XXYLT1: variants seen among roughly 807,000 people sequenced by gnomAD.
XXYLT1 encodes the protein UDP-xylose:alpha-xyloside alpha-1,3-xylosyltransferase.
Under a neutral mutation model 28.9 loss-of-function variants are expected in XXYLT1, and 20 were observed. That is an observed-to-expected ratio of 0.69 (90% CI 0.49 to 1.00). The LOEUF is 1.00. XXYLT1 is among the 50% of genes least tolerant of loss of function. The pLI, the probability that XXYLT1 is intolerant of heterozygous loss-of-function variation, is 0.00. For synonymous variants in XXYLT1, 257 were observed against 253.8 expected (o/e 1.01, Z -0.12); for missense variants, 542 against 560.1 (o/e 0.97, Z 0.33).
At chr3:195,089,804 T>A (rs1197225693) in intron 3 of XXYLT1, among the ~76,000 whole-genome samples, 1 of 150,804 alleles carries the variant, frequency 6.6e-6, no homozygotes, top group Non-Finnish European at 1.5e-5. Context: ...GAGACACACA[T>A]AGGCTCAAAA....
rs1721909346 is a variant in XXYLT1 at position 195,180,729 on chromosome 3, T to G, written c.653-24148A>C. 1.3e-5 allele frequency among the ~76,000 whole-genome samples: 2 copies of G among 152,114 alleles called. No homozygotes were observed. Among genetic ancestry groups the G allele is most frequent in the South Asian group, 4.1e-4 (2 of 4,830 alleles). ...GCAGACGGGAAAGGCGCCTGCCCACTGCCCCCACCCCTGCAAGCACACACC... is the reference window on the plus strand; with the variant it reads ...GCAGACGGGAAAGGCGCCTGCCCACGGCCCCCACCCCTGCAAGCACACACC... On this transcript the variant is annotated intron_variant, in intron 2 of 3. Coordinates refer to ENST00000310380, the MANE Select transcript of XXYLT1 (RefSeq NM_152531.5). The surrounding 1 kb of genome is among the most constrained non-coding windows in gnomAD (Gnocchi z 5.8).
chr3:195,169,530 G>A (rs1032733596), intron 2 of XXYLT1, among the ~76,000 whole-genome samples: 6 of 152,150 alleles, frequency 3.9e-5, no homozygotes, highest in African/African-American at 1.4e-4. Context: ...AGATATAGAT[G>A]GTCCCCGCCA....
intron 2 of XXYLT1, among the ~76,000 whole-genome samples, chr3:195,225,386 C>T (rs1577168403): frequency 6.6e-6 from 1 of 152,176 alleles, no homozygotes; most frequent in East Asian, 1.9e-4. Flanking sequence ...TGTGGCAGGA[C>T]AACCTCCCAA....
chr3:195,074,880 C>T (rs1715027398), intron 3 of XXYLT1, among the ~76,000 whole-genome samples: 1 of 152,244 alleles, frequency 6.6e-6, no homozygotes, highest in Admixed American at 6.5e-5. Context: ...CAGCTCAGAA[C>T]TGACCCTTAT....
At chr3:195,251,348 G>A (rs1257263399) in intron 1 of XXYLT1, among the ~76,000 whole-genome samples, 1 of 152,258 alleles carries the variant, frequency 6.6e-6, no homozygotes, top group African/African-American at 2.4e-5. Flanking sequence ...GACAGGGAAG[G>A]CGGGGCCCAG....
In XXYLT1 at chr3:195,172,137, A is replaced by G. The variant is rs536217003; in HGVS notation, c.653-15556T>C. Among the ~76,000 whole-genome samples the G allele has an allele frequency of 9.9e-4, 151 of 152,298 alleles. No homozygotes were observed. The Middle Eastern group carries it at 0.01, about 10-fold the overall frequency. ...GGTAACTTTAATTCCTTTAACATTA[A>G]CAAAATTGGTCAAAAGCACTTCTAG... On this transcript the variant is annotated intron_variant, in intron 2 of 3. Transcript: ENST00000310380.
chr3:195,220,757 C>T (rs954770372), intron 2 of XXYLT1, among the ~76,000 whole-genome samples: 2 of 152,184 alleles, frequency 1.3e-5, no homozygotes, highest in East Asian at 3.9e-4. Flanking sequence ...CTCCCACAGC[C>T]CATGGCCAGT....
rs1349546878 is a variant in XXYLT1 at position 195,133,906 on chromosome 3, TAAAAAG to T, written c.785+22537_785+22542del. ...TGGAAAAAAGCTTACAGAATAAGGA[TAAAAAG>T]AAAAAGTATTTACTTTTGGCTGGGT... On this transcript the variant is annotated intron_variant, in intron 3 of 3. Transcript: ENST00000310380. The surrounding 1 kb of genome is among the most constrained non-coding windows in gnomAD (Gnocchi z 4.4). Among the ~76,000 whole-genome samples, 3 of 152,130 alleles carry T rather than the reference TAAAAAG, an allele frequency of 2.0e-5. No individual in the cohort carries two copies. The highest frequency in any genetic ancestry group is 6.5e-5 in the Admixed American group (1 of 15,276).
At chr3:195,268,178 C>G (rs1313051486) in intron 1 of XXYLT1, among the ~76,000 whole-genome samples, 1 of 152,006 alleles carries the variant, frequency 6.6e-6, no homozygotes, top group African/African-American at 2.4e-5. Flanking sequence ...GCCTGTAATT[C>G]CAGCACTTTG....
chr3:195,197,641 TA>T (rs1288072160), intron 2 of XXYLT1, among the ~76,000 whole-genome samples: 2 of 152,120 alleles, frequency 1.3e-5, no homozygotes, highest in Non-Finnish European at 2.9e-5. Flanking sequence ...TGAAACTATC[TA>T]AACAAATTAA....
At chr3:195,177,415 T>C (rs1358334059) in intron 2 of XXYLT1, among the ~76,000 whole-genome samples, 5 of 152,090 alleles carry the variant, frequency 3.3e-5, no homozygotes, top group Non-Finnish European at 7.4e-5. Context: ...TACTAGAAGA[T>C]AGAGAAAGAT....
chr3:195,070,046 C>T lies in XXYLT1; in HGVS notation c.851G>A (p.Gly284Glu), dbSNP rs769640974. ...QTRVGGPPPE[G>E]LPGFNSGVML... ...CACCCCGCTGTTGAAGCCCGGCAGCCCCTCGGGGGGCGGGCCCCCAACCCG... is the reference window on the plus strand; with the variant it reads ...CACCCCGCTGTTGAAGCCCGGCAGCTCCTCGGGGGGCGGGCCCCCAACCCG... The change falls in exon 4 of 4, where the codon GGG becomes GAG. Residue 284 changes from glycine (G) to glutamate (E), a missense_variant. Gly to Glu is a moderately conservative substitution (Grantham distance 98). Transcript: ENST00000310380. The T allele has an allele frequency of 1.9e-6, 3 of 1,599,782 alleles. No individual in the cohort carries two copies. The highest frequency in any genetic ancestry group is 2.5e-6 in the Non-Finnish European group (3 of 1,179,014).
intron 1 of XXYLT1, among the ~76,000 whole-genome samples, chr3:195,239,668 CCA>C (rs1287884620): frequency 6.6e-6 from 1 of 152,102 alleles, no homozygotes; most frequent in Non-Finnish European, 1.5e-5. Context: ...TTTCCCACAC[CCA>C]GCTTACAAAA....
chr3:195,149,527 G>A (rs1387774814), intron 3 of XXYLT1, among the ~76,000 whole-genome samples: 1 of 152,180 alleles, frequency 6.6e-6, no homozygotes, highest in Non-Finnish European at 1.5e-5. Flanking sequence ...CACGCACGGG[G>A]GAAAGTGGAA....
chr3:195,245,760 C>T (rs563167959), intron 1 of XXYLT1, among the ~76,000 whole-genome samples: 171 of 152,280 alleles, frequency 1.1e-3, no homozygotes, highest in African/African-American at 3.0e-3. Context: ...AGTTAGCTCT[C>T]GCTCAGGCGG....
At chr3:195,072,917 G>C (rs1361336550) in intron 3 of XXYLT1, among the ~76,000 whole-genome samples, 1 of 152,178 alleles carries the variant, frequency 6.6e-6, no homozygotes, top group Admixed American at 6.5e-5. Context: ...GACAGTATTG[G>C]AGCTCGTGCG....
chr3:195,210,657 C>T lies in XXYLT1; in HGVS notation c.652+16052G>A, dbSNP rs987691312. ...AATTAGTAGAAAATGGTCTCTACCA[C>T]GTTACTATTTTTAGCATTTTATGAC... On this transcript the variant is annotated intron_variant, in intron 2 of 3. Transcript: ENST00000310380. The surrounding 1 kb of genome is among the most constrained non-coding windows in gnomAD (Gnocchi z 4.8). 2.0e-5 allele frequency among the ~76,000 whole-genome samples: 3 copies of T among 152,188 alleles called. No homozygotes were observed. Among genetic ancestry groups the T allele is most frequent in the Admixed American group, 2.0e-4 (3 of 15,284 alleles).
intron 3 of XXYLT1, among the ~76,000 whole-genome samples, chr3:195,074,718 G>A (rs1206103023): frequency 6.6e-6 from 1 of 152,214 alleles, no homozygotes; most frequent in Non-Finnish European, 1.5e-5. Context: ...CTGGAGCTAA[G>A]GCTGAAGTTC....
At chr3:195,090,311 A>T (rs1167648177) in intron 3 of XXYLT1, among the ~76,000 whole-genome samples, 7 of 151,646 alleles carry the variant, frequency 4.6e-5, no homozygotes. Context: ...AAAGAACAGA[A>T]ATTATAACAA....
Sources: gnomAD v4.1 joint callset for allele counts (sites outside exome capture counted in the v4.1 genomes callset) on GRCh38, gnomAD v4.1.1 for gene constraint, Gnocchi (gnomAD v3.1) non-coding constraint, MANE v1.5 for transcripts, NCBI Gene and HGNC (gene_info 2026-07-23, HGNC 2026-07-21) for gene names.